SMC3: variants seen among roughly 807,000 people sequenced by gnomAD.
The protein encoded by SMC3 is structural maintenance of chromosomes 3, also known as structural maintenance of chromosomes protein 3.
In SMC3, 20 loss-of-function variants were observed where a neutral mutation model predicts 171.8. That is an observed-to-expected ratio of 0.12 (90% CI 0.08 to 0.17). The LOEUF is 0.17. SMC3 is among the 10% of genes least tolerant of loss of function. SMC3 has a pLI of 1.00. For missense variants in SMC3, 543 were observed against 1,420.4 expected (o/e 0.38, Z 9.93); for synonymous variants, 464 against 451.1 (o/e 1.03, Z -0.36).
intron 9 of SMC3, among the ~76,000 whole-genome samples, 172 bp downstream of exon 9, chr10:110,582,270 G>T (rs556713363): frequency 6.6e-6 from 1 of 152,036 alleles, no homozygotes; most frequent in Non-Finnish European, 1.5e-5. Context: ...TAGCCATGTG[G>T]TCCTTGCTAT....
In SMC3 at chr10:110,591,147, G is replaced by T; in HGVS notation, c.1812+15G>T. ...CTGAAACCAATGTGAGTCATTGTGT[G>T]ATAAGGTGTATTTCTCTTTTATAAT... On this transcript the variant is annotated intron_variant, in intron 17 of 28. Coordinates refer to ENST00000361804, the MANE Select transcript of SMC3 (RefSeq NM_005445.4). 6.2e-7 allele frequency: 1 copy of T among 1,611,882 alleles called. No homozygotes were observed. Among genetic ancestry groups the T allele is most frequent in the South Asian group, 1.1e-5 (1 of 91,004 alleles).
At position 110,602,674 on chromosome 10, in the gene SMC3, C is replaced by T. The variant is rs371227184; in HGVS notation, c.3297+9C>T. 6.8e-6 allele frequency: 11 copies of T among 1,606,294 alleles called. No homozygotes were observed. The African/African-American group carries it at 1.1e-4, about 16-fold the overall frequency. ...CTGGAGTTGGAATTAGGGTAAAATACCTTTATATTCCATTTTCCTCAGAGC... is the reference window on the plus strand; with the variant it reads ...CTGGAGTTGGAATTAGGGTAAAATATCTTTATATTCCATTTTCCTCAGAGC... On this transcript the variant is annotated intron_variant, in intron 26 of 28. Coordinates refer to ENST00000361804, the MANE Select transcript of SMC3 (RefSeq NM_005445.4).
At chr10:110,590,918 G>A in intron 16 of SMC3, 73 bp from the exon 17 acceptor site, 2 of 1,376,750 alleles carry the variant, frequency 1.5e-6, no homozygotes, top group Admixed American at 3.4e-5. Flanking sequence ...GAGGTGGGAG[G>A]ATTGATAAGT....
intron 4 of SMC3, among the ~76,000 whole-genome samples, chr10:110,576,531 G>A (rs1235133394): frequency 1.3e-5 from 2 of 152,104 alleles, no homozygotes; most frequent in Non-Finnish European, 2.9e-5. Context: ...ACAATAAAAC[G>A]ATTAATCCTT....
intron 19 of SMC3, 56 bp downstream of exon 19, chr10:110,596,606 G>T: frequency 2.6e-6 from 4 of 1,528,666 alleles, no homozygotes; most frequent in East Asian, 2.3e-5. Flanking sequence ...ACTGTGTTTT[G>T]GTTGCCATAT....
intron 25 of SMC3, 99 bp from the exon 26 acceptor site, chr10:110,602,367 TCCTTGTTC>T (rs1162510071): frequency 2.4e-5 from 25 of 1,052,290 alleles, no homozygotes; most frequent in Non-Finnish European, 3.6e-5. Context: ...TAGTCTGTTA[TCCTTGTTC>T]TTAAGATTAA....
intron 18 of SMC3, 40 bp downstream of exon 18, chr10:110,593,263 T>C (rs1364080582): frequency 6.3e-7 from 1 of 1,591,400 alleles, no homozygotes; most frequent in East Asian, 2.2e-5. Flanking sequence ...AGATAAATTC[T>C]AACAAATCAT....
In SMC3 at chr10:110,604,524, TCTG is replaced by T. The variant is rs751267099; in HGVS notation, c.*225_*227del. The T allele has an allele frequency of 4.1e-6, 2 of 486,046 alleles. No individual in the cohort carries two copies. The highest frequency in any genetic ancestry group is 2.0e-5 in the African/African-American group (1 of 51,166). The allele number at this position is 486,046 out of a possible 1,614,324, so 30.1% of individuals were successfully genotyped here. On this transcript the variant is annotated 3_prime_UTR_variant, in exon 29 of 29. Coordinates refer to ENST00000361804, the MANE Select transcript of SMC3 (RefSeq NM_005445.4). ...TCCTGTACAACTTTTTGTAAAATGT[TCTG>T]CTCCTATTTTAAATGTTTTGAAACA...
At chr10:110,575,597 C>G (rs1248322800) in intron 4 of SMC3, among the ~76,000 whole-genome samples, 194 bp downstream of exon 4, 4 of 151,998 alleles carry the variant, frequency 2.6e-5, no homozygotes, top group Non-Finnish European at 5.9e-5. Flanking sequence ...AATTTTTATA[C>G]AGTGGTTTAG....
In SMC3 at chr10:110,583,424, C is replaced by T; in HGVS notation, c.845C>T (p.Ser282Leu). The change falls in exon 11 of 29, where the codon TCA (serine) becomes TTA (leucine). Residue 282 changes from serine to leucine, a missense_variant. Physicochemically the swap from Ser to Leu is moderately radical, Grantham distance 145. Around this residue, in one of 8 missense-constraint regions of SMC3, gnomAD observed 146 missense variants for 437.9 expected, o/e 0.33. Coordinates refer to ENST00000361804, the MANE Select transcript of SMC3 (RefSeq NM_005445.4). ...RQVRELKTKISAMKEEKEQLS... is the reference protein window; with the variant it reads ...RQVRELKTKILAMKEEKEQLS... ...GTTAGAGAATTGAAAACAAAAATTT[C>T]AGCTATGAAAGAAGAAAAAGAACAG... 6.2e-7 allele frequency: 1 copy of T among 1,613,856 alleles called. No homozygotes were observed. Among genetic ancestry groups the T allele is most frequent in the Non-Finnish European group, 8.5e-7 (1 of 1,179,888 alleles).
intron 13 of SMC3, among the ~76,000 whole-genome samples, chr10:110,585,480 G>C (rs1467235819): frequency 6.6e-6 from 1 of 150,970 alleles, no homozygotes; most frequent in Non-Finnish European, 1.5e-5. Context: ...TAGTAGAGGT[G>C]GGGTTTCACC....
rs532560775 is a variant in SMC3, at chr10:110,602,454, C to T, written c.3106-20C>T. 1.3e-6 allele frequency: 2 copies of T among 1,595,576 alleles called. No homozygotes were observed. Among genetic ancestry groups the T allele is most frequent in the Admixed American group, 3.3e-5 (2 of 59,936 alleles). ...ATAATTCTAAGCAAAATTTATATTT[C>T]AATCTGCTTTTGTTTTAAGGTATCT... On this transcript the variant is annotated intron_variant, in intron 25 of 28. Transcript: ENST00000361804.
In SMC3 at chr10:110,605,531, T is replaced by TTTA. The variant is rs1290025584; in HGVS notation, c.*1231_*1232insATT. ...AAACCAGAAATACCTAAAGAGATAC[T>TTTA]TTTAAAATAAAGAAATAGTAATGGG... On this transcript the variant is annotated 3_prime_UTR_variant, in exon 29 of 29. Transcript: ENST00000361804. Among the ~76,000 whole-genome samples, 1 of 152,218 alleles carries TTTA rather than the reference T, an allele frequency of 6.6e-6. No individual in the cohort carries two copies. Among genetic ancestry groups the TTTA allele is most frequent in the Non-Finnish European group, 1.5e-5 (1 of 68,028 alleles).
chr10:110,594,881 T>A (rs2134742578), intron 18 of SMC3, among the ~76,000 whole-genome samples: 1 of 152,282 alleles, frequency 6.6e-6, no homozygotes, highest in Admixed American at 6.5e-5. Flanking sequence ...CCTAAGAAAT[T>A]TAACATTAAC....
chr10:110,574,851 A>G (rs1312735254), intron 3 of SMC3, among the ~76,000 whole-genome samples: 1 of 152,194 alleles, frequency 6.6e-6, no homozygotes, highest in South Asian at 2.1e-4. Context: ...GAAGTGTAGT[A>G]TAAGTTGGGC....
In SMC3 at chr10:110,583,414, A is replaced by G; in HGVS notation, c.835A>G (p.Thr279Ala). Residue 279 changes from threonine to alanine, a missense_variant, in exon 11 of 29, where the codon ACA becomes GCA. Physicochemically the swap from Thr to Ala is moderately conservative, Grantham distance 58. This residue lies in a region of SMC3 where 146 missense variants were observed against 437.9 expected (regional missense o/e 0.33). Coordinates refer to ENST00000361804, the MANE Select transcript of SMC3 (RefSeq NM_005445.4). ...DIERQVRELK[T>A]KISAMKEEKE... Reference sequence around the variant, plus strand: ...CGAACGCCAAGTTAGAGAATTGAAAACAAAAATTTCAGCTATGAAAGAAGA... The same window carrying G: ...CGAACGCCAAGTTAGAGAATTGAAAGCAAAAATTTCAGCTATGAAAGAAGA... 1 of 1,614,050 alleles carries G rather than the reference A, an allele frequency of 6.2e-7. No individual in the cohort carries two copies.
At chr10:110,592,544 A>C (rs2134739293) in intron 17 of SMC3, among the ~76,000 whole-genome samples, 1 of 152,374 alleles carries the variant, frequency 6.6e-6, no homozygotes, top group East Asian at 1.9e-4. Context: ...AGAGGAAATG[A>C]AATTTTATCT....
chr10:110,575,566 A>G (rs530201182), intron 4 of SMC3, among the ~76,000 whole-genome samples, 163 bp downstream of exon 4: 11 of 152,214 alleles, frequency 7.2e-5, no homozygotes, highest in Non-Finnish European at 1.3e-4. Flanking sequence ...AGCCTAACAT[A>G]TTAATGCCAG....
At chr10:110,589,404 A>C (rs528485783) in intron 13 of SMC3, among the ~76,000 whole-genome samples, 1 of 152,264 alleles carries the variant, frequency 6.6e-6, no homozygotes, top group East Asian at 1.9e-4. Context: ...CATCTGTAAA[A>C]CACCACACAG....
Sources: allele counts gnomAD v4.1 joint callset (sites outside exome capture counted in the v4.1 genomes callset), GRCh38; gene constraint gnomAD v4.1.1; regional missense constraint gnomAD v4.1.1; transcripts MANE v1.5; gene names NCBI Gene and HGNC (gene_info 2026-07-23, HGNC 2026-07-21).